Variants in LRRC4C observed in about 807,000 individuals in gnomAD.
LRRC4C encodes leucine-rich repeat-containing protein 4C.
Under a neutral mutation model 33.6 loss-of-function variants are expected in LRRC4C, and 5 were observed. The observed-to-expected ratio is 0.15, with a 90% CI of 0.08 to 0.31. LRRC4C has a LOEUF of 0.31. LRRC4C is among the 10% of genes least tolerant of loss of function. The pLI, the probability that LRRC4C is intolerant of heterozygous loss-of-function variation, is 1.00. For missense variants in LRRC4C, 560 were observed against 796.7 expected (o/e 0.70, Z 3.58); for synonymous variants, 329 against 302.0 (o/e 1.09, Z -0.93).
chr11:41,278,144 C>T (rs759535348), intron 1 of LRRC4C, among the ~76,000 whole-genome samples: 3 of 151,988 alleles, frequency 2.0e-5, no homozygotes, highest in African/African-American at 7.2e-5. Flanking sequence ...AGTTAATTAC[C>T]ATAAATTGTT....
chr11:40,831,906 T>G (rs2135551585), intron 2 of LRRC4C, among the ~76,000 whole-genome samples: 1 of 152,240 alleles, frequency 6.6e-6, no homozygotes, highest in Middle Eastern at 3.4e-3. Context: ...TAATTCAAGA[T>G]AAGATTTGGG....
At chr11:41,064,435 T>G (rs1938051160) in intron 1 of LRRC4C, among the ~76,000 whole-genome samples, 1 of 152,164 alleles carries the variant, frequency 6.6e-6, no homozygotes, top group Non-Finnish European at 1.5e-5. Context: ...AAAAATAGTG[T>G]TGGTTCATAA....
At chr11:40,689,040 A>T (rs971525200) in intron 2 of LRRC4C, among the ~76,000 whole-genome samples, 5 of 150,304 alleles carry the variant, frequency 3.3e-5, no homozygotes, top group African/African-American at 1.2e-4. Flanking sequence ...AAACACTATT[A>T]TTTTTTTTTT....
At chr11:40,618,993 G>A (rs1316801317) in intron 3 of LRRC4C, among the ~76,000 whole-genome samples, 1 of 151,640 alleles carries the variant, frequency 6.6e-6, no homozygotes, top group Admixed American at 6.6e-5. Context: ...ATCTCTATTA[G>A]ATCACTGCAC....
chr11:40,154,287 C>CAAAAAA (rs60017606), intron 5 of LRRC4C, among the ~76,000 whole-genome samples: 89 of 113,774 alleles, frequency 7.8e-4, no homozygotes, highest in South Asian at 1.1e-3. Flanking sequence ...AGCTAAAAAG[C>CAAAAAA]AAAAAAAAAA....
chr11:40,176,930 C>CTTTTTTTT (rs36015905), intron 5 of LRRC4C, among the ~76,000 whole-genome samples: 1 of 82,628 alleles, frequency 1.2e-5, no homozygotes, highest in African/African-American at 5.0e-5. Context: ...CTGCCAGAGT[C>CTTTTTTTT]TTTTTTTTTT....
intron 2 of LRRC4C, among the ~76,000 whole-genome samples, chr11:40,748,156 A>G (rs193254134): frequency 3.3e-5 from 5 of 152,288 alleles, no homozygotes; most frequent in African/African-American, 9.6e-5. Flanking sequence ...AAAAACCACA[A>G]GAGAAATGAC....
intron 3 of LRRC4C, among the ~76,000 whole-genome samples, chr11:40,531,941 C>A (rs186416447): frequency 1.3e-5 from 2 of 149,278 alleles, no homozygotes; most frequent in East Asian, 3.9e-4. Flanking sequence ...ATAGGAATGA[C>A]GTAACTGTGC....
intron 2 of LRRC4C, among the ~76,000 whole-genome samples, chr11:40,682,601 C>A (rs1014015283): frequency 3.9e-5 from 6 of 151,986 alleles, no homozygotes; most frequent in African/African-American, 1.4e-4. Context: ...AATGGCGAAA[C>A]CCAATCTCTA....
At chr11:41,358,198 G>A (rs1952229680) in intron 1 of LRRC4C, among the ~76,000 whole-genome samples, 2 of 151,946 alleles carry the variant, frequency 1.3e-5, no homozygotes, top group Non-Finnish European at 2.9e-5. Context: ...GCATTCACAT[G>A]TTGAAAAAAA....
At chr11:40,257,789 A>G (rs1435220178) in intron 4 of LRRC4C, among the ~76,000 whole-genome samples, 1 of 152,208 alleles carries the variant, frequency 6.6e-6, no homozygotes, top group Non-Finnish European at 1.5e-5. Flanking sequence ...CTAAGGCTAC[A>G]TACAAGCTGA....
intron 3 of LRRC4C, among the ~76,000 whole-genome samples, chr11:40,559,927 A>G (rs937212618): frequency 2.0e-5 from 3 of 152,138 alleles, no homozygotes; most frequent in African/African-American, 4.8e-5. Context: ...TCATTAAACC[A>G]TCTTACACTT....
At chr11:40,926,794 T>A (rs1017896332) in intron 2 of LRRC4C, among the ~76,000 whole-genome samples, 8 of 152,100 alleles carry the variant, frequency 5.3e-5, no homozygotes, top group Non-Finnish European at 1.2e-4. Flanking sequence ...TAAAAAAAAA[T>A]TACACATATA....
intron 1 of LRRC4C, among the ~76,000 whole-genome samples, chr11:41,225,003 G>A (rs1049487413): frequency 5.3e-5 from 8 of 152,134 alleles, no homozygotes; most frequent in Non-Finnish European, 5.9e-5. Flanking sequence ...AGGATATTAT[G>A]TTAACTGAAA....
At chr11:41,101,269 G>A (rs1215900202) in intron 1 of LRRC4C, among the ~76,000 whole-genome samples, 2 of 151,982 alleles carry the variant, frequency 1.3e-5, no homozygotes, top group Non-Finnish European at 2.9e-5. Context: ...GGTCTAATAT[G>A]TAGCAAAGTC....
At chr11:41,043,000 G>GT (rs57509349) in intron 1 of LRRC4C, among the ~76,000 whole-genome samples, 52 of 58,288 alleles carry the variant, frequency 8.9e-4, no homozygotes, top group Admixed American at 3.4e-3. Context: ...CACCTGTTTT[G>GT]TTTTTTTTTT....
intron 2 of LRRC4C, among the ~76,000 whole-genome samples, chr11:40,696,538 G>C (rs1945542175): frequency 6.7e-6 from 1 of 148,618 alleles, no homozygotes; most frequent in Admixed American, 6.8e-5. Context: ...TGTGGTAGTG[G>C]TATTTTTCTT....
intron 1 of LRRC4C, among the ~76,000 whole-genome samples, chr11:40,997,098 C>T (rs999063852): frequency 1.3e-5 from 2 of 152,060 alleles, no homozygotes; most frequent in African/African-American, 4.8e-5. Context: ...GGGTTTAGTT[C>T]TGCAATGATA....
chr11:41,019,957 T>C lies in LRRC4C; in HGVS notation c.-495-86234A>G, dbSNP rs190003059. On this transcript the variant is annotated intron_variant, in intron 1 of 6. Transcript: ENST00000528697. ...TGTAGACTGCAAAAACTTTCTCCCA[T>C]TCTGTAGGTTGCCTGTTCACTCTCA... Among the ~76,000 whole-genome samples the C allele has an allele frequency of 1.6e-3, 240 of 152,264 alleles. 1 individual carries two copies. Among genetic ancestry groups the C allele is most frequent in the South Asian group, 7.5e-3 (36 of 4,820 alleles).
Sources: allele counts gnomAD v4.1 joint callset (sites outside exome capture counted in the v4.1 genomes callset), GRCh38; gene constraint gnomAD v4.1.1; transcripts MANE v1.5; gene names NCBI Gene and HGNC (gene_info 2026-07-23, HGNC 2026-07-21).